The following VTI1A variants were observed in gnomAD, a reference collection of about 807,000 sequenced individuals.
VTI1A encodes vesicle transport through interaction with t-SNAREs 1A.
In VTI1A, 22 loss-of-function variants were observed where a neutral mutation model predicts 34.9. The observed-to-expected ratio is 0.63, with a 90% confidence interval of 0.45 to 0.90. VTI1A has a LOEUF of 0.90. Ranked by LOEUF, VTI1A falls within the 40% of genes least tolerant of loss-of-function variation. The pLI, the probability that VTI1A is intolerant of heterozygous loss-of-function variation, is 0.00. For synonymous variants in VTI1A, 87 were observed against 97.3 expected (o/e 0.89, Z 0.62); for missense variants, 268 against 275.6 (o/e 0.97, Z 0.20).
At chr10:112,580,405 TGTG>T (rs1843883516) in intron 5 of VTI1A, among the ~76,000 whole-genome samples, 1 of 151,986 alleles carries the variant, frequency 6.6e-6, no homozygotes, top group Admixed American at 6.6e-5. Flanking sequence ...TGAGAACAGT[TGTG>T]GTGGGGAATG....
downstream of VTI1A, among the ~76,000 whole-genome samples, chr10:112,821,659 C>T (rs1853657749): frequency 6.6e-6 from 1 of 152,162 alleles, no homozygotes; most frequent in South Asian, 2.1e-4. Flanking sequence ...CACATTTTCG[C>T]GTTACTCTCC....
chr10:112,731,880 A>G (rs775929009), intron 7 of VTI1A, among the ~76,000 whole-genome samples: 1 of 152,222 alleles, frequency 6.6e-6, no homozygotes, highest in Non-Finnish European at 1.5e-5. Context: ...AGTAGCCTTC[A>G]TTTGAAACTT....
intron 4 of VTI1A, among the ~76,000 whole-genome samples, chr10:112,536,574 TTATTTA>T (rs1438340175): frequency 6.6e-6 from 1 of 152,068 alleles, no homozygotes; most frequent in Non-Finnish European, 1.5e-5. Flanking sequence ...TCTGTTTTAT[TTATTTA>T]TATTTATATT....
At chr10:112,635,628 G>T (rs935711047) in intron 5 of VTI1A, among the ~76,000 whole-genome samples, 4 of 152,176 alleles carry the variant, frequency 2.6e-5, no homozygotes, top group Admixed American at 6.5e-5. Context: ...CAGTTAAGAG[G>T]CTTTTGCACT....
chr10:112,724,008 T>C (rs1173807842), intron 7 of VTI1A, among the ~76,000 whole-genome samples: 2 of 152,238 alleles, frequency 1.3e-5, no homozygotes, highest in East Asian at 1.9e-4. Context: ...CAAGAACTTA[T>C]ATGAGAAACT....
intron 5 of VTI1A, among the ~76,000 whole-genome samples, chr10:112,542,937 G>A (rs924436341): frequency 8.6e-5 from 13 of 152,024 alleles, no homozygotes; most frequent in African/African-American, 2.9e-4. Context: ...GTTTGGTTTT[G>A]TGTCCTTGCG....
At chr10:112,589,396 C>T (rs768498921) in intron 5 of VTI1A, among the ~76,000 whole-genome samples, 3 of 151,816 alleles carry the variant, frequency 2.0e-5, no homozygotes, top group Non-Finnish European at 2.9e-5. Flanking sequence ...CTATGTGAGA[C>T]GTGCCTTTCA....
At chr10:112,488,354 A>G (rs996389607) in intron 3 of VTI1A, among the ~76,000 whole-genome samples, 2 of 152,218 alleles carry the variant, frequency 1.3e-5, no homozygotes, top group Non-Finnish European at 2.9e-5. Context: ...AAAAATTGAA[A>G]TAATTGTCCA....
At chr10:112,654,776 C>G (rs991739820) in intron 5 of VTI1A, among the ~76,000 whole-genome samples, 2 of 152,150 alleles carry the variant, frequency 1.3e-5, no homozygotes, top group African/African-American at 4.8e-5. Flanking sequence ...CCACCGCGCC[C>G]GGCCCCATTC....
intron 3 of VTI1A, among the ~76,000 whole-genome samples, chr10:112,507,124 A>C (rs1392334320): frequency 6.6e-6 from 1 of 152,060 alleles, no homozygotes; most frequent in East Asian, 1.9e-4. Flanking sequence ...AGTCAATCTG[A>C]TCTTCAGTTG....
chr10:112,541,483 T>C (rs1247028890), intron 5 of VTI1A, among the ~76,000 whole-genome samples: 1 of 152,138 alleles, frequency 6.6e-6, no homozygotes, highest in Admixed American at 6.5e-5. Flanking sequence ...TCAGCAAAAG[T>C]GGTTAACTTT....
chr10:112,707,614 G>T (rs944939954), intron 7 of VTI1A, among the ~76,000 whole-genome samples: 1 of 152,196 alleles, frequency 6.6e-6, no homozygotes, highest in African/African-American at 2.4e-5. Context: ...TTACAGGCTT[G>T]AGTCACCTTG....
At chr10:112,744,840 C>T (rs1019459572) in intron 7 of VTI1A, among the ~76,000 whole-genome samples, 2 of 152,174 alleles carry the variant, frequency 1.3e-5, no homozygotes, top group African/African-American at 4.8e-5. Context: ...AGATCCAGCA[C>T]GTTCAGCATC....
intron 7 of VTI1A, among the ~76,000 whole-genome samples, chr10:112,773,572 G>T (rs1851873326): frequency 6.6e-6 from 1 of 151,148 alleles, no homozygotes; most frequent in South Asian, 2.1e-4. Flanking sequence ...CCTCAACTCG[G>T]CTAAGGGTGT....
chr10:112,691,920 G>A (rs1003082073), intron 7 of VTI1A, among the ~76,000 whole-genome samples: 4 of 152,192 alleles, frequency 2.6e-5, no homozygotes, highest in African/African-American at 9.6e-5. Flanking sequence ...ACCTTTCCAT[G>A]CATGCTGTGG....
At chr10:112,761,232 A>C (rs917387375) in intron 7 of VTI1A, among the ~76,000 whole-genome samples, 1 of 152,146 alleles carries the variant, frequency 6.6e-6, no homozygotes, top group Non-Finnish European at 1.5e-5. Context: ...ATGTTTGCTG[A>C]AGTGATCACC....
intron 1 of VTI1A, chr10:112,448,563 T>G (rs1006828855): frequency 6.6e-6 from 1 of 152,048 alleles, no homozygotes; most frequent in African/African-American, 2.4e-5. Flanking sequence ...CTCTACAGAT[T>G]AGAGTAGTTA....
intron 7 of VTI1A, among the ~76,000 whole-genome samples, chr10:112,791,889 T>C (rs1224231043): frequency 6.6e-6 from 1 of 151,890 alleles, no homozygotes; most frequent in Non-Finnish European, 1.5e-5. Context: ...CTTTCAAATA[T>C]GTTGTGTTGC....
chr10:112,665,774 G>A (rs2133830143), intron 5 of VTI1A, among the ~76,000 whole-genome samples: 1 of 152,168 alleles, frequency 6.6e-6, no homozygotes, highest in Non-Finnish European at 1.5e-5. Context: ...GCAAGAATAG[G>A]TCGCAAACTT....
Sources: gnomAD v4.1 joint callset for allele counts (sites outside exome capture counted in the v4.1 genomes callset) on GRCh38, gnomAD v4.1.1 for gene constraint, MANE v1.5 for transcripts, NCBI Gene and HGNC (gene_info 2026-07-23, HGNC 2026-07-21) for gene names.